The following AFDN variants were observed in gnomAD, a reference collection of about 807,000 sequenced individuals.
AFDN encodes afadin.
AFDN carries 68 observed loss-of-function variants against 216.6 expected under a neutral mutation model. The ratio of observed to expected loss-of-function variants is 0.31; its 90% CI spans 0.26 to 0.38. The LOEUF is 0.38. Among genes scored for constraint, AFDN ranks in the 10% least tolerant of loss-of-function variants. The pLI, the probability that AFDN is intolerant of heterozygous loss-of-function variation, is 1.00. For missense variants in AFDN, 2,136 were observed against 2,342.0 expected (o/e 0.91, Z 1.82); for synonymous variants, 868 against 853.7 (o/e 1.02, Z -0.29).
chr6:167,863,085 T>C (rs1240232859), intron 1 of AFDN, among the ~76,000 whole-genome samples: 2 of 152,214 alleles, frequency 1.3e-5, no homozygotes, highest in Non-Finnish European at 2.9e-5. Flanking sequence ...TAATACAGGT[T>C]AAGTGTCTCT....
chr6:167,951,272 G>A lies in AFDN; in HGVS notation c.3918G>A (p.Lys1306=), dbSNP rs1290147528. ...RHRIEAAMDR[K]SDSDMWINQS... ...GAATAGAGGCAGCTATGGACCGAAA[G>A]TCTGATAGTGATATGTGGATAAATC... Residue 1306 remains lysine (K), a synonymous_variant, in exon 30 of 34, where the codon AAG becomes AAA. Coordinates refer to ENST00000683244, the MANE Select transcript of AFDN (RefSeq NM_001386888.1). The surrounding 1 kb of genome is among the most constrained non-coding windows in gnomAD (Gnocchi z 7.1). 10 of 1,613,950 alleles carry A rather than the reference G, an allele frequency of 6.2e-6. No homozygotes were observed. In the Admixed American group the frequency reaches 1.7e-4, roughly 27 times the overall value.
chr6:167,924,058 TTATTC>T (rs2128508681), intron 22 of AFDN, among the ~76,000 whole-genome samples: 1 of 152,268 alleles, frequency 6.6e-6, no homozygotes, highest in Admixed American at 6.5e-5. Context: ...TCTTTTTAGT[TTATTC>T]TAAGATTCCT....
chr6:167,863,146 C>T (rs186258116), intron 1 of AFDN, among the ~76,000 whole-genome samples: 2 of 152,100 alleles, frequency 1.3e-5, no homozygotes, highest in African/African-American at 2.4e-5. Context: ...ATGTTTTGAG[C>T]GCCAACATGA....
At chr6:167,946,947 G>T (rs1795339037) in intron 27 of AFDN, 46 bp downstream of exon 27, 4 of 1,518,502 alleles carry the variant, frequency 2.6e-6, no homozygotes, top group South Asian at 1.2e-5. Context: ...TGTGATCACA[G>T]TCTGAAGTGA....
intron 16 of AFDN, chr6:167,913,867 A>G: frequency 2.2e-6 from 1 of 450,192 alleles, no homozygotes; most frequent in East Asian, 4.0e-5. Flanking sequence ...TGCACGGTCT[A>G]CAATTTGGTG....
intron 9 of AFDN, among the ~76,000 whole-genome samples, chr6:167,896,404 G>A (rs1788253295): frequency 1.3e-5 from 2 of 152,130 alleles, no homozygotes; most frequent in Non-Finnish European, 2.9e-5. Context: ...TCTGGGGAGC[G>A]CTATGAGAAC....
intron 23 of AFDN, among the ~76,000 whole-genome samples, chr6:167,938,055 C>CA (rs1283269276): frequency 6.6e-6 from 1 of 152,134 alleles, no homozygotes; most frequent in African/African-American, 2.4e-5. Context: ...TAATGCAGGA[C>CA]ACAGTGACTC....
chr6:167,914,176 G>T lies in AFDN; in HGVS notation c.2067G>T (p.Lys689Asn), dbSNP rs202216911. The change falls in exon 17 of 34, where the codon AAG (lysine) becomes AAT (asparagine). Residue 689 changes from lysine to asparagine, a missense_variant. Physicochemically the swap from Lys to Asn is moderately conservative, Grantham distance 94. Transcript: ENST00000683244. The part of the protein sequence containing the change: ...QEVDQVDQKQ[K>N]NIAGALAFWM... ...GTGTGTTCTGTCTACAGAAACAGAA[G>T]AATATTGCAGGGGCACTTGCCTTCT... The T allele has an allele frequency of 1.2e-6, 2 of 1,613,998 alleles. No individual in the cohort carries two copies. Among genetic ancestry groups the T allele is most frequent in the East Asian group, 2.2e-5 (1 of 44,876 alleles).
intron 1 of AFDN, among the ~76,000 whole-genome samples, chr6:167,853,834 C>T (rs756594853): frequency 6.6e-6 from 1 of 151,986 alleles, no homozygotes. Flanking sequence ...TTAATGGCAC[C>T]GTTTTATTCC....
At chr6:167,918,604 C>T (rs1791401090) in intron 20 of AFDN, 131 bp from the exon 21 acceptor site, 1 of 827,524 alleles carries the variant, frequency 1.2e-6, no homozygotes, top group African/African-American at 1.7e-5. Flanking sequence ...AACCCTGCGT[C>T]TGTCTGTGTG....
At chr6:167,964,783 C>T in intron 31 of AFDN, 9 of 1,066,078 alleles carry the variant, frequency 8.4e-6, no homozygotes, top group Non-Finnish European at 9.1e-6. Flanking sequence ...ATTTACAATT[C>T]ATTGTACTTC....
Position 167,915,313 on chromosome 6 carries a change from G to C in AFDN, c.2445G>C (p.Ser815=). 6.2e-7 allele frequency: 1 copy of C among 1,614,218 alleles called. No individual in the cohort carries two copies. The highest frequency in any genetic ancestry group is 8.5e-7 in the Non-Finnish European group (1 of 1,180,042). The change falls in exon 19 of 34, where the codon TCG becomes TCC. Residue 815 remains serine, a synonymous_variant. Transcript: ENST00000683244. The part of the protein sequence containing the change: ...LFNRLVTDPD[S]GLCSHYWGAI... Reference sequence around the variant, plus strand: ...ATAGATTGGTGACCGACCCAGATTCGGGGCTGTGCTCCCATTACTGGGGTG... The same window carrying C: ...ATAGATTGGTGACCGACCCAGATTCCGGGCTGTGCTCCCATTACTGGGGTG...
intron 4 of AFDN, among the ~76,000 whole-genome samples, chr6:167,873,105 A>ATGG (rs2128258414): frequency 6.6e-6 from 1 of 152,310 alleles, no homozygotes; most frequent in Non-Finnish European, 1.5e-5. Context: ...TCTTGACTAC[A>ATGG]TGGTATTCTA....
rs1046598853 is a variant in AFDN at position 167,964,706 on chromosome 6, CAG to C, written c.4969-1050_4969-1049del. ...AGAAAATACAGGATGAAATTGAAAA[CAG>C]GGACTAACAACTTTTCACTGAATGC... On this transcript the variant is annotated intron_variant, in intron 31 of 33. Coordinates refer to ENST00000683244, the MANE Select transcript of AFDN (RefSeq NM_001386888.1). 3.8e-6 allele frequency: 4 copies of C among 1,062,580 alleles called. No homozygotes were observed. In the African/African-American group the frequency reaches 5.0e-5, roughly 13 times the overall value. The allele number at this position is 1,062,580 out of a possible 1,614,324, so 65.8% of individuals were successfully genotyped here. A position where few individuals can be genotyped will look rare whatever the true frequency, so the allele number is the denominator to read the frequency against.
intron 4 of AFDN, among the ~76,000 whole-genome samples, chr6:167,872,783 C>T (rs907029454): frequency 6.6e-6 from 1 of 152,158 alleles, no homozygotes; most frequent in Non-Finnish European, 1.5e-5. Flanking sequence ...AGGTGAAAAG[C>T]AGGTTTTCCC....
intron 2 of AFDN, among the ~76,000 whole-genome samples, chr6:167,865,582 C>T (rs1362551453): frequency 2.0e-5 from 3 of 152,284 alleles, no homozygotes; most frequent in African/African-American, 7.2e-5. Context: ...CACTGCACTC[C>T]ACCCTGGGTG....
intron 9 of AFDN, among the ~76,000 whole-genome samples, chr6:167,896,456 C>G (rs1562628811): frequency 6.6e-6 from 1 of 152,198 alleles, no homozygotes; most frequent in African/African-American, 2.4e-5. Context: ...GCTGTGCCCT[C>G]AACCTGTATT....
At chr6:167,872,416 C>T in intron 4 of AFDN, 39 bp downstream of exon 4, 1 of 1,571,302 alleles carries the variant, frequency 6.4e-7, no homozygotes, top group Non-Finnish European at 8.6e-7. Flanking sequence ...TCTTTGTGCT[C>T]CAAATCAGAT....
At position 167,895,089 on chromosome 6, in the gene AFDN, G is replaced by A. The variant is rs141798480; in HGVS notation, c.1222+1183G>A. Among the ~76,000 whole-genome samples the A allele has an allele frequency of 7.7e-3, 1,169 of 151,782 alleles. 15 individuals are homozygous for A. The highest frequency in any genetic ancestry group is 0.027 in the African/African-American group (1,111 of 41,422). On this transcript the variant is annotated intron_variant, in intron 9 of 33. Transcript: ENST00000683244. The stretch of plus-strand genomic sequence containing the variant: ...CTTTATTGATTGCTAACTATGGACC[G>A]TATGTGGAGTGATCAGTGCCAGGGT...
Sources: gnomAD v4.1 joint callset for allele counts (sites outside exome capture counted in the v4.1 genomes callset) on GRCh38, gnomAD v4.1.1 for gene constraint, Gnocchi (gnomAD v3.1) non-coding constraint, MANE v1.5 for transcripts, NCBI Gene and HGNC (gene_info 2026-07-23, HGNC 2026-07-21) for gene names.